AGMO: variants seen among roughly 807,000 people sequenced by gnomAD.
AGMO encodes the protein alkylglycerol monooxygenase.
In AGMO, 75 loss-of-function variants were observed where a neutral mutation model predicts 60.2. The observed-to-expected ratio is 1.25, with a 90% CI of 1.03 to 1.51. The LOEUF (loss-of-function observed/expected upper bound fraction) is 1.51, where lower values mean the gene tolerates loss of function less well. AGMO is among the 40% of genes most tolerant of loss of function. The pLI is 0.00. For synonymous variants in AGMO, 261 were observed against 177.1 expected (o/e 1.47, Z -3.76); for missense variants, 763 against 525.5 (o/e 1.45, Z -4.42).
At chr7:15,242,324 G>C (rs902657519) in intron 12 of AGMO, among the ~76,000 whole-genome samples, 8 of 152,098 alleles carry the variant, frequency 5.3e-5, no homozygotes, top group African/African-American at 1.2e-4. Flanking sequence ...TTAATGGATG[G>C]ATCTTCCAGA....
chr7:15,260,647 T>G (rs1455821119), intron 12 of AGMO, among the ~76,000 whole-genome samples: 3 of 152,056 alleles, frequency 2.0e-5, no homozygotes, highest in Non-Finnish European at 4.4e-5. Flanking sequence ...GGACTTAAAC[T>G]ATACCCTACA....
the AGMO span, among the ~76,000 whole-genome samples, chr7:15,129,349 A>G: frequency 6.7e-6 from 1 of 149,352 alleles, no homozygotes; most frequent in Non-Finnish European, 1.5e-5. Context: ...TATTTCTACC[A>G]TGTAGTTTAC....
downstream of AGMO, among the ~76,000 whole-genome samples, chr7:15,196,431 A>G (rs1373551249): frequency 6.6e-6 from 1 of 152,210 alleles, no homozygotes; most frequent in Admixed American, 6.5e-5. Flanking sequence ...ATCCATGCTT[A>G]CTTAATCAGT....
At chr7:15,450,143 G>C (rs987807485) in intron 3 of AGMO, among the ~76,000 whole-genome samples, 1 of 152,008 alleles carries the variant, frequency 6.6e-6, no homozygotes, top group African/African-American at 2.4e-5. Context: ...TTTCAGGGCC[G>C]GGCGCGGTGG....
chr7:15,472,090 A>C (rs868466950), intron 3 of AGMO, among the ~76,000 whole-genome samples: 10 of 152,028 alleles, frequency 6.6e-5, no homozygotes, highest in Middle Eastern at 3.4e-3. Flanking sequence ...AAGGTGTATT[A>C]AATTCTATCA....
At chr7:15,327,668 G>T (rs556116245) in intron 12 of AGMO, among the ~76,000 whole-genome samples, 1 of 151,480 alleles carries the variant, frequency 6.6e-6, no homozygotes, top group Non-Finnish European at 1.5e-5. Context: ...TTACGTTGAG[G>T]GTATATGTAA....
At chr7:15,189,649 C>T in the AGMO span, among the ~76,000 whole-genome samples, 8 of 152,114 alleles carry the variant, frequency 5.3e-5, no homozygotes, top group East Asian at 1.6e-3. Flanking sequence ...CCATACCACT[C>T]CAGGATCTCA....
intron 5 of AGMO, among the ~76,000 whole-genome samples, chr7:15,394,607 T>C (rs1355825249): frequency 1.3e-5 from 2 of 152,196 alleles, no homozygotes; most frequent in Admixed American, 6.5e-5. Context: ...TACCCTTAGA[T>C]TTCATGTTGC....
At chr7:15,452,687 A>G (rs780164345) in intron 3 of AGMO, among the ~76,000 whole-genome samples, 6 of 152,180 alleles carry the variant, frequency 3.9e-5, no homozygotes, top group South Asian at 4.1e-4. Flanking sequence ...GTTCTTCAAT[A>G]AGAAGAACAG....
intron 12 of AGMO, among the ~76,000 whole-genome samples, chr7:15,310,174 T>C (rs777906216): frequency 6.6e-6 from 1 of 152,176 alleles, no homozygotes; most frequent in Non-Finnish European, 1.5e-5. Context: ...AGTTTGGTTT[T>C]AATTTAAAGA....
intron 3 of AGMO, among the ~76,000 whole-genome samples, chr7:15,436,642 A>C (rs1039843196): frequency 6.6e-6 from 1 of 152,228 alleles, no homozygotes; most frequent in Admixed American, 6.5e-5. Context: ...AAAGAAAATA[A>C]AATTGAAAGT....
chr7:15,369,777 T>C (rs1692826575), intron 10 of AGMO, among the ~76,000 whole-genome samples: 1 of 152,148 alleles, frequency 6.6e-6, no homozygotes, highest in African/African-American at 2.4e-5. Flanking sequence ...CCCAAGGGCC[T>C]AGAATATAGA....
At chr7:15,520,398 C>A (rs906978593) in intron 3 of AGMO, among the ~76,000 whole-genome samples, 1 of 152,210 alleles carries the variant, frequency 6.6e-6, no homozygotes, top group African/African-American at 2.4e-5. Context: ...GACATACATT[C>A]TTCTCAGCAC....
intron 2 of AGMO, among the ~76,000 whole-genome samples, chr7:15,557,776 T>C (rs946123870): frequency 6.6e-6 from 1 of 152,100 alleles, no homozygotes; most frequent in Non-Finnish European, 1.5e-5. Context: ...AGAATTGTTC[T>C]TTACATCTAC....
intron 12 of AGMO, among the ~76,000 whole-genome samples, chr7:15,250,556 AACACACACACACACAC>A (rs35821350): frequency 6.7e-6 from 1 of 149,362 alleles, no homozygotes; most frequent in Non-Finnish European, 1.5e-5. Context: ...ACACACACTA[AACACACACACACACAC>A]ACACACACAC....
intron 3 of AGMO, among the ~76,000 whole-genome samples, chr7:15,496,532 G>T (rs1231643698): frequency 7.5e-6 from 1 of 132,634 alleles, no homozygotes; most frequent in Non-Finnish European, 1.6e-5. Context: ...TTGCTTGTGA[G>T]AATTGAGGCT....
chr7:15,248,847 T>C (rs1782847144), intron 12 of AGMO, among the ~76,000 whole-genome samples: 1 of 152,222 alleles, frequency 6.6e-6, no homozygotes, highest in Admixed American at 6.5e-5. Flanking sequence ...GGCAATCTGA[T>C]AATCCTTGTT....
the AGMO span, among the ~76,000 whole-genome samples, chr7:15,180,977 AT>A: frequency 3.9e-5 from 6 of 152,242 alleles, no homozygotes; most frequent in East Asian, 1.2e-3. Flanking sequence ...ACTGGGATGA[AT>A]TTATGAATTC....
intron 12 of AGMO, among the ~76,000 whole-genome samples, chr7:15,339,524 A>G (rs1271842405): frequency 6.6e-6 from 1 of 152,200 alleles, no homozygotes; most frequent in Non-Finnish European, 1.5e-5. Flanking sequence ...GTCTGCTCCA[A>G]ACTTTGTCAA....
Sources: gnomAD v4.1 joint callset for allele counts (sites outside exome capture counted in the v4.1 genomes callset) on GRCh38, gnomAD v4.1.1 for gene constraint, MANE v1.5 for transcripts, NCBI Gene and HGNC (gene_info 2026-07-23, HGNC 2026-07-21) for gene names.